PLCZ1: variants seen among roughly 807,000 people sequenced by gnomAD.
The protein encoded by PLCZ1 is 1-phosphatidylinositol 4,5-bisphosphate phosphodiesterase zeta-1.
Under a neutral mutation model 76.8 loss-of-function variants are expected in PLCZ1, and 64 were observed. That is an observed-to-expected ratio of 0.83 (90% CI 0.68 to 1.03). PLCZ1 has a LOEUF of 1.03. Among genes scored for constraint, PLCZ1 ranks in the 50% least tolerant of loss-of-function variants. The pLI is 0.00. For synonymous variants in PLCZ1, 248 were observed against 230.8 expected, an observed-to-expected ratio of 1.07 and a Z score of -0.68; for missense variants, 751 against 713.7, an observed-to-expected ratio of 1.05 and a Z score of -0.60.
chr12:18,688,225 A>C lies in PLCZ1; in HGVS notation c.1462-7T>G. 1 of 1,602,654 alleles carries C rather than the reference A, an allele frequency of 6.2e-7. No homozygotes were observed. The highest frequency in any genetic ancestry group is 8.5e-7 in the Non-Finnish European group (1 of 1,174,936). ...ACTGGATACCACTGATGAGCTGCAC[A>C]AATATATATGAATATAAGAATTTAG... On this transcript the variant is annotated splice_polypyrimidine_tract_variant and splice_region_variant and intron_variant, in intron 12 of 14. Coordinates refer to ENST00000266505, the MANE Select transcript of PLCZ1 (RefSeq NM_033123.4).
chr12:18,688,481 A>G (rs1436732973), intron 12 of PLCZ1, among the ~76,000 whole-genome samples: 4 of 152,002 alleles, frequency 2.6e-5, no homozygotes, highest in Non-Finnish European at 2.9e-5. Context: ...TTTTTGTTTT[A>G]AAATCATTTG....
chr12:18,699,330 T>G lies in PLCZ1; in HGVS notation c.1174+464A>C, dbSNP rs1955558022. On this transcript the variant is annotated intron_variant, in intron 10 of 14. Coordinates refer to ENST00000266505, the MANE Select transcript of PLCZ1 (RefSeq NM_033123.4). Reference sequence around the variant, plus strand: ...TCTCCACTCTCACTGCCAGAAATCTTTATTACCGCCTTCCTGCCTGCAATC... The same window carrying G: ...TCTCCACTCTCACTGCCAGAAATCTGTATTACCGCCTTCCTGCCTGCAATC... 2.0e-5 allele frequency among the ~76,000 whole-genome samples: 3 copies of G among 152,178 alleles called. No individual in the cohort carries two copies. The South Asian group carries it at 6.2e-4, about 32-fold the overall frequency.
the PLCZ1 span, among the ~76,000 whole-genome samples, chr12:18,677,318 G>A: frequency 2.0e-5 from 3 of 152,100 alleles, no homozygotes; most frequent in Non-Finnish European, 4.4e-5. Context: ...CCAGGCACAC[G>A]ACATAGGCTG....
chr12:18,688,553 C>G (rs1953541907), intron 12 of PLCZ1, among the ~76,000 whole-genome samples: 2 of 146,882 alleles, frequency 1.4e-5, no homozygotes, highest in African/African-American at 5.0e-5. Flanking sequence ...TTTTTGAATT[C>G]ATATATATAT....
chr12:18,703,336 C>G (rs536101941), intron 7 of PLCZ1, among the ~76,000 whole-genome samples: 3 of 152,224 alleles, frequency 2.0e-5, no homozygotes, highest in South Asian at 2.1e-4. Context: ...AACACTTTCA[C>G]TTGAAAATTT....
chr12:18,724,976 T>C (rs74064007), intron 3 of PLCZ1, among the ~76,000 whole-genome samples: 2 of 152,290 alleles, frequency 1.3e-5, no homozygotes, highest in Admixed American at 6.5e-5. Context: ...TCTCTGATAA[T>C]TTGTTTTGTC....
At chr12:18,677,169 C>G in the PLCZ1 span, among the ~76,000 whole-genome samples, 1 of 152,058 alleles carries the variant, frequency 6.6e-6, no homozygotes, top group East Asian at 1.9e-4. Context: ...CTGTCATATT[C>G]CAACAGCAGA....
At chr12:18,713,712 TA>T (rs1252601890) in intron 5 of PLCZ1, 1 of 152,154 alleles carries the variant, frequency 6.6e-6, no homozygotes, top group East Asian at 1.9e-4. Context: ...ATAATTTCAC[TA>T]GGAGAAACGT....
chr12:18,681,089 T>C (rs1485661082), downstream of PLCZ1, among the ~76,000 whole-genome samples: 1 of 151,952 alleles, frequency 6.6e-6, no homozygotes, highest in Non-Finnish European at 1.5e-5. Context: ...TGGTACAGAG[T>C]GGCTGTGTCC....
chr12:18,688,122 T>A lies in PLCZ1; in HGVS notation c.1558A>T (p.Met520Leu). The change falls in exon 13 of 15, where the codon ATG becomes TTG. Residue 520 changes from methionine (M) to leucine (L), a missense_variant. Transcript: ENST00000266505. ...IEVFGVPNDQ[M>L]KQQTRVIKKN... ...TTAATTACACGAGTCTGCTGCTTCA[T>A]TTGATCATTTGGAACACCAAAAACT... 1 of 1,611,712 alleles carries A rather than the reference T, an allele frequency of 6.2e-7. No homozygotes were observed. The highest frequency in any genetic ancestry group is 8.5e-7 in the Non-Finnish European group (1 of 1,179,032).
rs1954745989 is a variant in PLCZ1 at position 18,694,954 on chromosome 12, G to A, written c.1417C>T (p.Pro473Ser). 1 of 1,603,718 alleles carries A rather than the reference G, an allele frequency of 6.2e-7. No individual in the cohort carries two copies. The highest frequency in any genetic ancestry group is 1.3e-5 in the African/African-American group (1 of 74,516). The change falls in exon 12 of 15, where the codon CCA becomes TCA. Residue 473 changes from proline to serine, a missense_variant. Physicochemically the swap from Pro to Ser is moderately conservative, Grantham distance 74 (BLOSUM62 -1). Coordinates refer to ENST00000266505, the MANE Select transcript of PLCZ1 (RefSeq NM_033123.4). ...FLRESKSYFNPSNIKEGMPIT... is the reference protein window; with the variant it reads ...FLRESKSYFNSSNIKEGMPIT... ...GGCATACCCTCTTTTATGTTACTTG[G>A]GTTAAAGTATGATTTACTCTCTCTT...
chr12:18,671,624 G>A, the PLCZ1 span, among the ~76,000 whole-genome samples: 3 of 152,200 alleles, frequency 2.0e-5, no homozygotes, highest in African/African-American at 7.2e-5. Context: ...AGGCACATAT[G>A]GCTAGTGGCT....
chr12:18,657,354 T>C, the PLCZ1 span, among the ~76,000 whole-genome samples: 18 of 152,114 alleles, frequency 1.2e-4, no homozygotes, highest in African/African-American at 4.3e-4. Flanking sequence ...TGGGATCATA[T>C]TCAGAAAATA....
the PLCZ1 span, among the ~76,000 whole-genome samples, chr12:18,650,702 G>GTATATATA: frequency 7.2e-5 from 2 of 27,694 alleles, no homozygotes; most frequent in Non-Finnish European, 1.1e-4. Context: ...GTGTGTGTGT[G>GTATATATA]TGTATATATC....
chr12:18,733,430 C>T (rs1412194392), intron 3 of PLCZ1, among the ~76,000 whole-genome samples: 1 of 152,090 alleles, frequency 6.6e-6, no homozygotes. Context: ...GTTTCCTTTG[C>T]TGTGCAATAG....
the PLCZ1 span, among the ~76,000 whole-genome samples, chr12:18,666,463 T>C: frequency 3.3e-5 from 5 of 152,066 alleles, no homozygotes; most frequent in Non-Finnish European, 5.9e-5. Flanking sequence ...TTCAAGGTGA[T>C]TGTTGCACGA....
chr12:18,658,167 G>T, the PLCZ1 span, among the ~76,000 whole-genome samples: 1 of 151,998 alleles, frequency 6.6e-6, no homozygotes, highest in Non-Finnish European at 1.5e-5. Context: ...AAGGAATAAA[G>T]AAAAATCAAC....
chr12:18,647,727 AAGTT>A, the PLCZ1 span: 4 of 390,510 alleles, frequency 1.0e-5, no homozygotes, highest in Non-Finnish European at 1.8e-5. Flanking sequence ...TTCAGAATAA[AAGTT>A]AGAAATAAAA....
intron 2 of PLCZ1, 74 bp from the exon 3 acceptor site, chr12:18,736,418 G>T: frequency 6.9e-7 from 1 of 1,444,008 alleles, no homozygotes; most frequent in South Asian, 1.2e-5. Context: ...AGAAACATTT[G>T]ATTTACTGTA....
Sources: gnomAD v4.1 joint callset for allele counts (sites outside exome capture counted in the v4.1 genomes callset) on GRCh38, gnomAD v4.1.1 for gene constraint, MANE v1.5 for transcripts, NCBI Gene and HGNC (gene_info 2026-07-23, HGNC 2026-07-21) for gene names.